CFAP70: variants seen among roughly 807,000 people sequenced by gnomAD.
CFAP70 encodes the protein cilia- and flagella-associated protein 70.
In CFAP70, 81 loss-of-function variants were observed where a neutral mutation model predicts 137.6. That is an observed-to-expected ratio of 0.59 (90% CI 0.49 to 0.71). The LOEUF is 0.71. Ranked by LOEUF, CFAP70 falls within the 30% of genes least tolerant of loss-of-function variation. CFAP70 has a pLI of 0.00. For missense variants in CFAP70, 976 were observed against 1,226.7 expected, an observed-to-expected ratio of 0.80 and a Z score of 3.05; for synonymous variants, 382 against 423.6, an observed-to-expected ratio of 0.90 and a Z score of 1.20.
intron 12 of CFAP70, among the ~76,000 whole-genome samples, chr10:73,309,521 G>C (rs895084329): frequency 2.6e-5 from 4 of 152,076 alleles, no homozygotes; most frequent in Non-Finnish European, 5.9e-5. Context: ...TGCCCAAGCT[G>C]GTCTCAAACC....
chr10:73,295,359 GGAA>G (rs1386112022), intron 15 of CFAP70: 2 of 130,608 alleles, frequency 1.5e-5, no homozygotes, highest in African/African-American at 6.9e-5. Flanking sequence ...AATGAAGGAA[GGAA>G]GGAAGGGAGG....
chr10:73,298,883 T>A, intron 14 of CFAP70, 24 bp downstream of exon 15: 1 of 1,604,476 alleles, frequency 6.2e-7, no homozygotes, highest in Non-Finnish European at 8.5e-7. Context: ...ACCCATGGAG[T>A]AATTAAACAA....
intron 25 of CFAP70, among the ~76,000 whole-genome samples, chr10:73,263,535 C>T (rs2045479777): frequency 6.6e-6 from 1 of 152,118 alleles, no homozygotes; most frequent in Non-Finnish European, 1.5e-5. Flanking sequence ...GTAAACTATT[C>T]CCCAATTCAT....
At chr10:73,254,177 C>T (rs1366122008) in intron 26 of CFAP70, 122 bp from the exon 28 acceptor site, 1 of 665,694 alleles carries the variant, frequency 1.5e-6, no homozygotes, top group Non-Finnish European at 2.3e-6. Context: ...ATGGAATTGG[C>T]TCTTCCTATT....
chr10:73,291,950 G>A lies in CFAP70; in HGVS notation c.1835C>T (p.Thr612Ile), dbSNP rs112566204. 83 of 1,614,186 alleles carry A rather than the reference G, an allele frequency of 5.1e-5. No individual in the cohort carries two copies. In the African/African-American group the frequency reaches 9.1e-4, roughly 18 times the overall value. Residue 612 changes from threonine to isoleucine, a missense_variant, in exon 17 of 27, where the codon ACT (threonine) becomes ATT (isoleucine). Transcript: ENST00000310715. ...CTCTTGTGCTTTGATGTTGTCTTCA[G>A]TTAGGAGGCAGAAGGCACCATAGTC... is the stretch of plus-strand genomic sequence containing the variant.
exon 7 of CFAP70, chr10:73,335,450 A>AAGG: frequency 6.2e-7 from 1 of 1,610,590 alleles, no homozygotes; most frequent in Non-Finnish European, 8.5e-7. Flanking sequence ...CAGAAGGATC[A>AAGG]AGGTAGCAGC....
intron 7 of CFAP70, among the ~76,000 whole-genome samples, chr10:73,332,181 T>A (rs2052177652): frequency 6.6e-6 from 1 of 152,128 alleles, no homozygotes; most frequent in South Asian, 2.1e-4. Flanking sequence ...TTAATGATAA[T>A]TTTGACAAAT....
At chr10:73,289,291 A>AT (rs1336277988) in intron 19 of CFAP70, among the ~76,000 whole-genome samples, 4 of 150,416 alleles carry the variant, frequency 2.7e-5, no homozygotes, top group African/African-American at 1.0e-4. Context: ...ATTTATTATT[A>AT]TTATTTTTTT....
intron 12 of CFAP70, among the ~76,000 whole-genome samples, chr10:73,304,298 C>T (rs1314061852): frequency 6.6e-6 from 1 of 152,174 alleles, no homozygotes; most frequent in African/African-American, 2.4e-5. Flanking sequence ...AGGTGATTCA[C>T]CTGCCTCGGC....
intron 19 of CFAP70, among the ~76,000 whole-genome samples, chr10:73,288,409 G>T (rs1403238028): frequency 6.6e-6 from 1 of 152,116 alleles, no homozygotes; most frequent in African/African-American, 2.4e-5. Flanking sequence ...CATTGATATT[G>T]ATGTGTCTTA....
rs2046948414 is a variant in CFAP70 at position 73,278,293 on chromosome 10, A to G, written c.2284T>C (p.Ser762Pro). The G allele has an allele frequency of 2.5e-6, 4 of 1,614,010 alleles. No homozygotes were observed. The African/African-American group carries it at 5.3e-5, about 22-fold the overall frequency. Residue 762 changes from serine to proline, a missense_variant, in exon 20 of 27, where the codon TCC (serine) becomes CCC (proline). By Grantham distance (74) the Ser-to-Pro change is moderately conservative (BLOSUM62 -1). Coordinates refer to ENST00000310715, the Ensembl canonical transcript of CFAP70. ...TGTGAATCAGACTGCAGTTTGGAGG[A>G]TTCTTCAAGAAATTTGTCTAGAATA...
intron 9 of CFAP70, among the ~76,000 whole-genome samples, chr10:73,320,983 T>G (rs2050803758): frequency 6.6e-6 from 1 of 152,218 alleles, no homozygotes; most frequent in Non-Finnish European, 1.5e-5. Context: ...GGCTACATAT[T>G]TCATCATTTT....
chr10:73,282,630 A>T (rs962378071), intron 19 of CFAP70, among the ~76,000 whole-genome samples: 3 of 151,702 alleles, frequency 2.0e-5, no homozygotes, highest in Non-Finnish European at 4.4e-5. Context: ...TGAACTCCTG[A>T]CCTAGGATGA....
intron 19 of CFAP70, among the ~76,000 whole-genome samples, chr10:73,290,869 A>G (rs1416919593): frequency 1.3e-5 from 2 of 152,228 alleles, no homozygotes; most frequent in Non-Finnish European, 2.9e-5. Flanking sequence ...ACCACTAATC[A>G]TATGAATGAG....
chr10:73,280,429 T>G (rs2047175830), intron 19 of CFAP70, among the ~76,000 whole-genome samples: 1 of 152,230 alleles, frequency 6.6e-6, no homozygotes, highest in African/African-American at 2.4e-5. Flanking sequence ...CCAGGGTGAT[T>G]ACTGTTCTCA....
intron 9 of CFAP70, among the ~76,000 whole-genome samples, chr10:73,313,571 G>A (rs1230262662): frequency 4.0e-5 from 6 of 150,358 alleles, no homozygotes; most frequent in East Asian, 2.0e-4. Context: ...GGCCAGGTGC[G>A]GTGGCTCACA....
intron 12 of CFAP70, among the ~76,000 whole-genome samples, chr10:73,305,996 T>C (rs182439057): frequency 6.6e-6 from 1 of 152,148 alleles, no homozygotes; most frequent in East Asian, 1.9e-4. Context: ...ACAGAAATTA[T>C]TTTTTAAAAA....
chr10:73,271,605 G>A (rs757015418), intron 24 of CFAP70, among the ~76,000 whole-genome samples: 98 of 152,142 alleles, frequency 6.4e-4, no homozygotes, highest in Non-Finnish European at 1.2e-3. Context: ...GAAAAAAGAC[G>A]GGAGGAAAGT....
chr10:73,278,408 A>G, intron 19 of CFAP70, 71 bp from the exon 21 acceptor site: 1 of 1,310,376 alleles, frequency 7.6e-7, no homozygotes. Context: ...TGTAAGAGAT[A>G]CATTTTGCAA....
Sources: gnomAD v4.1 joint callset for allele counts (sites outside exome capture counted in the v4.1 genomes callset) on GRCh38, gnomAD v4.1.1 for gene constraint, MANE v1.5 for transcripts, NCBI Gene and HGNC (gene_info 2026-07-23, HGNC 2026-07-21) for gene names.